NIBAN3: variants seen among roughly 807,000 people sequenced by gnomAD.
The protein encoded by NIBAN3 is niban apoptosis regulator 3, also known as protein Niban 3.
In NIBAN3, 66 loss-of-function variants were observed where a neutral mutation model predicts 76.4. The observed-to-expected ratio is 0.86, with a 90% CI of 0.71 to 1.06. The LOEUF (loss-of-function observed/expected upper bound fraction) is 1.06. NIBAN3 is among the 50% of genes least tolerant of loss of function. The pLI is 0.00. For missense variants in NIBAN3, 808 were observed against 810.7 expected (o/e 1.00, Z 0.04); for synonymous variants, 360 against 355.2 (o/e 1.01, Z -0.15).
chr19:17,540,226 T>C (rs2075920573), intron 8 of NIBAN3, 166 bp from the exon 9 acceptor site: 1 of 477,336 alleles, frequency 2.1e-6, no homozygotes, highest in African/African-American at 2.0e-5. Context: ...CAGGTGGGAA[T>C]CCTGACTGGG....
In NIBAN3 at chr19:17,539,642, TCCG is replaced by T; in HGVS notation, c.860_862del (p.Ala287del). The T allele has an allele frequency of 6.4e-7, 1 of 1,568,958 alleles. No individual in the cohort carries two copies. Among genetic ancestry groups the T allele is most frequent in the South Asian group, 1.2e-5 (1 of 85,742 alleles). The stretch of plus-strand genomic sequence containing the variant: ...TCACGCAGCTGTCCTGGCCGGGGCC[TCCG>T]CCGGGCTCTGCGCCTTCCAGCCCGA... On this transcript the variant is annotated inframe_deletion, in exon 8 of 15. Coordinates refer to ENST00000599164, the MANE Select transcript of NIBAN3 (RefSeq NM_001321827.2).
At chr19:17,543,259 T>A in intron 10 of NIBAN3, 58 bp from the exon 11 acceptor site, 1 of 1,206,152 alleles carries the variant, frequency 8.3e-7, no homozygotes, top group Non-Finnish European at 1.2e-6. Context: ...TGGGCAGGAG[T>A]GGGGCCCGGG....
chr19:17,535,884 G>A (rs10406827), intron 4 of NIBAN3, among the ~76,000 whole-genome samples: 5,620 of 152,054 alleles, frequency 0.037, 298 homozygotes, highest in African/African-American at 0.12. Context: ...AGCCTGGGCA[G>A]CAGAGGAAGA....
At chr19:17,536,816 T>G (rs1035195429) in intron 4 of NIBAN3, among the ~76,000 whole-genome samples, 3 of 152,148 alleles carry the variant, frequency 2.0e-5, no homozygotes, top group Non-Finnish European at 4.4e-5. Context: ...CTCATAGAGC[T>G]GTGTGCCCTA....
chr19:17,540,707 T>G, intron 9 of NIBAN3, 125 bp downstream of exon 9: 1 of 691,830 alleles, frequency 1.4e-6, no homozygotes, highest in Non-Finnish European at 2.1e-6. Context: ...CCCATCACCA[T>G]GCTATGGTCA....
rs113569844 is a variant in NIBAN3 at position 17,537,399 on chromosome 19, G to T, written c.451G>T (p.Asp151Tyr). The change falls in exon 5 of 15, where the codon GAC (aspartate) becomes TAC (tyrosine). Residue 151 changes from aspartate (D) to tyrosine (Y), a missense_variant. Physicochemically the swap from Asp to Tyr is radical, Grantham distance 160. Coordinates refer to ENST00000599164, the MANE Select transcript of NIBAN3 (RefSeq NM_001321827.2). ...SLGDHTQEEP[D>Y]SLLEVPVSFP... Reference sequence around the variant, plus strand: ...AGGAGACCATACTCAGGAAGAGCCTGACTCCCTCTTGGAAGTGCCTGTGAG... The same window carrying T: ...AGGAGACCATACTCAGGAAGAGCCTTACTCCCTCTTGGAAGTGCCTGTGAG... The T allele has an allele frequency of 9.3e-3, 15,062 of 1,614,092 alleles. 83 individuals carry two copies. The highest frequency in any genetic ancestry group is 0.012 in the Non-Finnish European group (14,073 of 1,179,966).
rs1462208937 is a variant in NIBAN3, at chr19:17,546,887, C to A, written c.1666+90C>A. On this transcript the variant is annotated intron_variant, in intron 13 of 14. Coordinates refer to ENST00000599164, the MANE Select transcript of NIBAN3 (RefSeq NM_001321827.2). ...ACCAGGGCCACATCGACTCTCACTT[C>A]CTGTGAATACTTGCCATTTGACCTT... The A allele has an allele frequency of 2.1e-6, 3 of 1,462,828 alleles. No individual in the cohort carries two copies. In the Admixed American group the frequency reaches 6.3e-5, roughly 31 times the overall value. The allele number at this position is 1,462,828 out of a possible 1,614,324, so 90.6% of individuals were successfully genotyped here.
At position 17,540,497 on chromosome 19, in the gene NIBAN3, CGG is replaced by C; in HGVS notation, c.1086_1087del (p.Val363AlafsTer47). 1.9e-6 allele frequency: 3 copies of C among 1,598,496 alleles called. No individual in the cohort carries two copies. Among genetic ancestry groups the C allele is most frequent in the Non-Finnish European group, 2.6e-6 (3 of 1,172,816 alleles). On this transcript the variant is annotated frameshift_variant, in exon 9 of 15. Coordinates refer to ENST00000599164, the MANE Select transcript of NIBAN3 (RefSeq NM_001321827.2). LOFTEE classifies it high-confidence loss of function. The stretch of plus-strand genomic sequence containing the variant: ...CGCACCGTGGAAGCCTCGCTCGAGG[CGG>C]TGCGGACCCTCCTGGCTCAAGGCAT...
In NIBAN3 at chr19:17,540,438, C is replaced by G; in HGVS notation, c.1026C>G (p.Asp342Glu). Residue 342 changes from aspartate (D) to glutamate (E), a missense_variant, in exon 9 of 15, where the codon GAC becomes GAG. Physicochemically the swap from Asp to Glu is conservative, Grantham distance 45. Coordinates refer to ENST00000599164, the MANE Select transcript of NIBAN3 (RefSeq NM_001321827.2). The stretch of plus-strand genomic sequence containing the variant: ...AGTCGTGCCTGCGCCGGGAGGTGGA[C>G]CCGCAGCTGCCCCGGGTCGTGCAGA... ...PLESCLRREV[D>E]PQLPRVVQTL... The G allele has an allele frequency of 1.3e-6, 2 of 1,544,690 alleles. No homozygotes were observed. The highest frequency in any genetic ancestry group is 1.7e-6 in the Non-Finnish European group (2 of 1,145,158).
In NIBAN3 at chr19:17,553,514, C is replaced by G. The variant is rs561325692; in HGVS notation, c.*1616C>G. 1 of 1,614,198 alleles carries G rather than the reference C, an allele frequency of 6.2e-7. No homozygotes were observed. The highest frequency in any genetic ancestry group is 2.2e-5 in the East Asian group (1 of 44,884). On this transcript the variant is annotated 3_prime_UTR_variant, in exon 15 of 15. Coordinates refer to ENST00000599164, the MANE Select transcript of NIBAN3 (RefSeq NM_001321827.2). ...GAGGGACTTTCACACTCCCTGGAGA[C>G]CGTTTCCTCCCATTCTGTCTGGAGT...
chr19:17,544,607 G>T (rs2076016729), intron 12 of NIBAN3, among the ~76,000 whole-genome samples: 1 of 152,356 alleles, frequency 6.6e-6, no homozygotes, highest in Non-Finnish European at 1.5e-5. Flanking sequence ...ATGTGCAAAG[G>T]CCCTGAGGCC....
intron 3 of NIBAN3, 21 bp downstream of exon 3, chr19:17,532,409 C>A: frequency 6.2e-7 from 1 of 1,614,122 alleles, no homozygotes; most frequent in Non-Finnish European, 8.5e-7. Flanking sequence ...GGCACGTGGC[C>A]TTTCTACTTC....
intron 14 of NIBAN3, among the ~76,000 whole-genome samples, chr19:17,550,634 C>A (rs1458093882): frequency 1.3e-5 from 2 of 152,144 alleles, no homozygotes; most frequent in Non-Finnish European, 2.9e-5. Context: ...CCACTGCCCT[C>A]TAGCCCGGGC....
intron 2 of NIBAN3, among the ~76,000 whole-genome samples, chr19:17,531,280 T>G (rs1256704925): frequency 6.7e-6 from 1 of 149,400 alleles, no homozygotes; most frequent in Admixed American, 6.8e-5. Flanking sequence ...TGAGCCCAGA[T>G]TGTGCCACTG....
In NIBAN3 at chr19:17,550,843, C is replaced by CTTTTT. The variant is rs10690901; in HGVS notation, c.1751-924_1751-920dup. 1.0e-2 allele frequency among the ~76,000 whole-genome samples: 912 copies of CTTTTT among 91,540 alleles called. 79 individuals carry two copies. The highest frequency in any genetic ancestry group is 0.032 in the Middle Eastern group (3 of 94). The allele number at this position is 91,540 out of a possible 152,430, so 60.1% of individuals were successfully genotyped here. On this transcript the variant is annotated intron_variant, in intron 14 of 14. Coordinates refer to ENST00000599164, the MANE Select transcript of NIBAN3 (RefSeq NM_001321827.2). The stretch of plus-strand genomic sequence containing the variant: ...GCCACAGGGATTAATCTTGTACATA[C>CTTTTT]TTTTTTTTTTTTTTTTTTTTTTTCA...
intron 8 of NIBAN3, 21 bp downstream of exon 8, chr19:17,539,786 C>A (rs2144727478): frequency 2.0e-6 from 3 of 1,502,150 alleles, no homozygotes; most frequent in Non-Finnish European, 2.7e-6. Context: ...GGGGCGGAGC[C>A]TGGGCTGGGA....
At chr19:17,536,606 T>A (rs1218280199) in intron 4 of NIBAN3, among the ~76,000 whole-genome samples, 1 of 152,024 alleles carries the variant, frequency 6.6e-6, no homozygotes, top group African/African-American at 2.4e-5. Flanking sequence ...ATAAAAAATA[T>A]CTTGTGCAGG....
Position 17,540,407 on chromosome 19 carries a change from C to A in NIBAN3, c.995C>A (p.Pro332Gln). The A allele has an allele frequency of 6.7e-7, 1 of 1,503,472 alleles. No individual in the cohort carries two copies. Among genetic ancestry groups the A allele is most frequent in the Non-Finnish European group, 8.9e-7 (1 of 1,122,738 alleles). The allele number at this position is 1,503,472 out of a possible 1,614,324, so 93.1% of individuals were successfully genotyped here. A position where few individuals can be genotyped will look rare whatever the true frequency, so the allele number is the denominator to read the frequency against. The part of the protein sequence containing the change: ...AGRLRTDIRG[P>Q]LESCLRREVD... ...CCACTCCCAGCGGATATCAGGGGAC[C>A]GCTCGAGTCGTGCCTGCGCCGGGAG... Residue 332 changes from proline to glutamine, a missense_variant, in exon 9 of 15, where the codon CCG becomes CAG. Coordinates refer to ENST00000599164, the MANE Select transcript of NIBAN3 (RefSeq NM_001321827.2).
Position 17,532,314 on chromosome 19 carries a change from C to T in NIBAN3, c.238C>T (p.His80Tyr), listed in dbSNP as rs760497890. 1.7e-5 allele frequency: 28 copies of T among 1,614,124 alleles called. No individual in the cohort carries two copies. The South Asian group carries it at 2.7e-4, about 16-fold the overall frequency. The change falls in exon 3 of 15, where the codon CAC becomes TAC. Residue 80 changes from histidine to tyrosine, a missense_variant. Transcript: ENST00000599164. Reference sequence around the variant, plus strand: ...AGGACCCCTGACCCAGCTTCGGGGCCACCCACCCCGGTGGCAGCCGATCTT... The same window carrying T: ...AGGACCCCTGACCCAGCTTCGGGGCTACCCACCCCGGTGGCAGCCGATCTT... ...HRGPLTQLRG[H>Y]PPRWQPIFCV...
Sources: allele counts gnomAD v4.1 joint callset (sites outside exome capture counted in the v4.1 genomes callset), GRCh38; gene constraint gnomAD v4.1.1; transcripts MANE v1.5; gene names NCBI Gene and HGNC (gene_info 2026-07-23, HGNC 2026-07-21).